RBFOX1: variants seen among roughly 807,000 people sequenced by gnomAD.
The protein encoded by RBFOX1 is RNA binding protein fox-1 homolog 1.
Under a neutral mutation model 57.7 loss-of-function variants are expected in RBFOX1, and 8 were observed. That is an observed-to-expected ratio of 0.14 (90% CI 0.08 to 0.25). RBFOX1 has a LOEUF of 0.25. RBFOX1 is among the 10% of genes least tolerant of loss of function. The pLI, the probability that RBFOX1 is intolerant of heterozygous loss-of-function variation, is 1.00. For synonymous variants in RBFOX1, 326 were observed against 222.4 expected, an observed-to-expected ratio of 1.47 and a Z score of -4.15; for missense variants, 611 against 548.5, an observed-to-expected ratio of 1.11 and a Z score of -1.14.
At chr16:7,166,147 G>A (rs2079465318) in intron 4 of RBFOX1, among the ~76,000 whole-genome samples, 1 of 152,058 alleles carries the variant, frequency 6.6e-6, no homozygotes, top group Admixed American at 6.5e-5. Context: ...CCGAGTAGAT[G>A]GGATTACAGG....
intron 3 of RBFOX1, among the ~76,000 whole-genome samples, chr16:5,607,502 G>C (rs2047627536): frequency 6.6e-6 from 1 of 152,172 alleles, no homozygotes; most frequent in African/African-American, 2.4e-5. Context: ...GCCCCCTGGA[G>C]TCACGGTGAT....
Position 5,925,433 on chromosome 16 carries a change from A to G in RBFOX1, c.351+58098A>G, listed in dbSNP as rs75813771. Among the ~76,000 whole-genome samples the G allele has an allele frequency of 1.7e-3, 260 of 152,350 alleles. 3 individuals carry two copies. Among genetic ancestry groups the G allele is most frequent in the African/African-American group, 6.2e-3 (256 of 41,592 alleles). ...GAACACTTACTCCATGATTGCATTT[A>G]TAAAAGTGTCCAGAACAGGAAAACC... On this transcript the variant is annotated intron_variant, in intron 4 of 19. Transcript: ENST00000641259.
At chr16:6,994,881 C>G (rs572586022) in intron 3 of RBFOX1, among the ~76,000 whole-genome samples, 5 of 151,874 alleles carry the variant, frequency 3.3e-5, no homozygotes, top group Admixed American at 1.3e-4. Context: ...AACAAAATTC[C>G]AAATTAACTT....
At chr16:5,908,153 T>C (rs1207766791) in intron 4 of RBFOX1, among the ~76,000 whole-genome samples, 4 of 129,572 alleles carry the variant, frequency 3.1e-5, no homozygotes. Context: ...TACACATATA[T>C]ACACATATAT....
At chr16:6,472,088 C>T (rs779379391) in intron 2 of RBFOX1, among the ~76,000 whole-genome samples, 2 of 152,180 alleles carry the variant, frequency 1.3e-5, no homozygotes, top group African/African-American at 4.8e-5. Context: ...TCATCAGACT[C>T]TACCGACAAA....
At chr16:7,495,090 T>A (rs2068179831) in intron 4 of RBFOX1, among the ~76,000 whole-genome samples, 1 of 152,166 alleles carries the variant, frequency 6.6e-6, no homozygotes, top group East Asian at 1.9e-4. Context: ...TGTTCCTGCA[T>A]TAATTCAGTT....
At chr16:6,799,241 A>G (rs1389234478) in intron 3 of RBFOX1, among the ~76,000 whole-genome samples, 1 of 152,156 alleles carries the variant, frequency 6.6e-6, no homozygotes, top group Non-Finnish European at 1.5e-5. Context: ...TGGCTGCTCC[A>G]TAGACACAGC....
chr16:5,749,920 C>G (rs1447122740), intron 3 of RBFOX1, among the ~76,000 whole-genome samples: 1 of 152,194 alleles, frequency 6.6e-6, no homozygotes, highest in Admixed American at 6.6e-5. Context: ...GAGCTGCGTT[C>G]CTTTAGAGGG....
intron 3 of RBFOX1, among the ~76,000 whole-genome samples, chr16:6,793,044 TAGA>T (rs1234110148): frequency 7.4e-6 from 1 of 134,584 alleles, no homozygotes; most frequent in Non-Finnish European, 1.6e-5. Flanking sequence ...AAAAAAAAAA[TAGA>T]AGCGATAATG....
intron 1 of RBFOX1, among the ~76,000 whole-genome samples, chr16:6,255,457 C>T (rs981986867): frequency 2.0e-5 from 3 of 152,112 alleles, no homozygotes; most frequent in African/African-American, 7.2e-5. Flanking sequence ...GAAGCTGTAG[C>T]TCTGGTGAGA....
intron 4 of RBFOX1, among the ~76,000 whole-genome samples, chr16:5,870,158 A>G (rs148066827): frequency 2.4e-3 from 360 of 149,160 alleles, no homozygotes; most frequent in African/African-American, 8.5e-3. Context: ...TATTATTTAT[A>G]TATAAAAAAT....
intron 1 of RBFOX1, among the ~76,000 whole-genome samples, chr16:5,430,118 C>G (rs1472315376): frequency 2.6e-5 from 4 of 152,156 alleles, no homozygotes; most frequent in Non-Finnish European, 4.4e-5. Context: ...CACTGACCAT[C>G]AGCTGGGGGG....
At chr16:5,972,821 G>T (rs1469008822) in intron 4 of RBFOX1, among the ~76,000 whole-genome samples, 1 of 152,210 alleles carries the variant, frequency 6.6e-6, no homozygotes, top group Non-Finnish European at 1.5e-5. Flanking sequence ...ACCCTTGGCT[G>T]TTTGGCTTCC....
At chr16:5,240,737 T>G (rs2151056010) in intron 1 of RBFOX1, among the ~76,000 whole-genome samples, 1 of 152,316 alleles carries the variant, frequency 6.6e-6, no homozygotes, top group East Asian at 1.9e-4. Context: ...GCGCTGTCCC[T>G]GTGAGCTCCC....
chr16:7,336,537 A>G (rs1342046976), intron 4 of RBFOX1, among the ~76,000 whole-genome samples: 1 of 152,222 alleles, frequency 6.6e-6, no homozygotes, highest in Non-Finnish European at 1.5e-5. Flanking sequence ...TCAACCTATA[A>G]CAAAAGTGAC....
At chr16:5,308,156 A>G (rs1023685397) in intron 1 of RBFOX1, among the ~76,000 whole-genome samples, 1 of 152,092 alleles carries the variant, frequency 6.6e-6, no homozygotes, top group Non-Finnish European at 1.5e-5. Context: ...CCTAGCCAGC[A>G]TAGTGAAGCC....
intron 4 of RBFOX1, among the ~76,000 whole-genome samples, chr16:7,119,760 A>G (rs532705699): frequency 1.3e-5 from 2 of 152,228 alleles, no homozygotes; most frequent in South Asian, 2.1e-4. Flanking sequence ...GTCTACAAAC[A>G]TAAGTGAAGT....
At chr16:6,987,264 T>C (rs1424849413) in intron 3 of RBFOX1, among the ~76,000 whole-genome samples, 1 of 152,164 alleles carries the variant, frequency 6.6e-6, no homozygotes, top group Non-Finnish European at 1.5e-5. Context: ...AATCATGGAA[T>C]ATTCATGCTG....
At chr16:6,664,705 C>A (rs369962679) in intron 3 of RBFOX1, among the ~76,000 whole-genome samples, 5 of 152,148 alleles carry the variant, frequency 3.3e-5, no homozygotes, top group African/African-American at 1.2e-4. Flanking sequence ...CACAGATAGG[C>A]AGGGATGGAA....
Sources: gnomAD v4.1 joint callset for allele counts (sites outside exome capture counted in the v4.1 genomes callset) on GRCh38, gnomAD v4.1.1 for gene constraint, MANE v1.5 for transcripts, NCBI Gene and HGNC (gene_info 2026-07-23, HGNC 2026-07-21) for gene names.